COMP: variants seen among roughly 807,000 people sequenced by gnomAD.
COMP encodes the protein cartilage oligomeric matrix protein.
COMP carries 79 observed loss-of-function variants against 95.8 expected under a neutral mutation model. The observed-to-expected ratio is 0.82, with a 90% CI of 0.69 to 0.99. COMP has a LOEUF of 0.99. COMP is among the 50% of genes least tolerant of loss of function. COMP has a pLI of 0.00. For synonymous variants in COMP, 438 were observed against 433.9 expected (o/e 1.01, Z -0.12); for missense variants, 906 against 1,076.1 (o/e 0.84, Z 2.21).
chr19:18,788,783 C>A lies in COMP; in HGVS notation c.604-33G>T. On this transcript the variant is annotated intron_variant, in intron 6 of 18. Transcript: ENST00000222271. This position sits in a 1 kb window ranked among gnomAD's most constrained non-coding sequence, Gnocchi z 4.7. ...GGAGCCGCCGGAGGTCAGCGCAGGC[C>A]GCCCGCCGCTCGCCCCACCTCCCGC... 6.2e-7 allele frequency: 1 copy of A among 1,604,558 alleles called. No homozygotes were observed. Among genetic ancestry groups the A allele is most frequent in the Non-Finnish European group, 8.5e-7 (1 of 1,176,004 alleles).
intron 11 of COMP, 70 bp from the exon 12 acceptor site, chr19:18,786,361 C>T (rs2055167379): frequency 2.5e-6 from 4 of 1,608,052 alleles, no homozygotes; most frequent in African/African-American, 1.3e-5. Context: ...CCCAACCCAG[C>T]CGCACAGCCA....
intron 10 of COMP, 94 bp from the exon 11 acceptor site, chr19:18,786,744 A>C (rs901790583): frequency 1.7e-4 from 96 of 563,298 alleles, no homozygotes; most frequent in Non-Finnish European, 2.7e-4. Context: ...CCTGGAACAG[A>C]GTCCCAACTT....
At chr19:18,785,386 C>G in intron 15 of COMP, 112 bp downstream of exon 15, 1 of 1,457,694 alleles carries the variant, frequency 6.9e-7, no homozygotes, top group Non-Finnish European at 9.5e-7. Flanking sequence ...CTTCCTGAGC[C>G]CGGGCCAGCC....
intron 15 of COMP, 93 bp from the exon 16 acceptor site, chr19:18,785,185 G>T (rs2055155976): frequency 7.9e-7 from 1 of 1,258,046 alleles, no homozygotes; most frequent in African/African-American, 1.5e-5. Context: ...CCTGGGTCCC[G>T]ATCTGCCTGC....
intron 9 of COMP, 82 bp from the exon 10 acceptor site, chr19:18,787,732 C>A: frequency 6.3e-7 from 1 of 1,580,860 alleles, no homozygotes; most frequent in Non-Finnish European, 8.6e-7. Context: ...TCTCCGAGGA[C>A]GCGTCTCCTC....
rs886054305 is a variant in COMP, at chr19:18,789,955, G to A, written c.377C>T (p.Thr126Ile). The change falls in exon 4 of 19, where the codon ACC becomes ATC. Residue 126 changes from threonine to isoleucine, a missense_variant. By Grantham distance (89) the Thr-to-Ile change is moderately conservative. Transcript: ENST00000222271. The surrounding 1 kb of genome is among the most constrained non-coding windows in gnomAD (Gnocchi z 6.1). ...GGGCTAGCGCACCTCGTTGACGTCGGTGCAGTGCGAGCCGTTGCCCGTGAA... is the reference window on the plus strand; with the variant it reads ...GGGCTAGCGCACCTCGTTGACGTCGATGCAGTGCGAGCCGTTGCCCGTGAA... ...AGFTGNGSHC[T>I]DVNECNAHPC... 4.4e-6 allele frequency: 7 copies of A among 1,592,750 alleles called. No homozygotes were observed. The highest frequency in any genetic ancestry group is 5.9e-6 in the Non-Finnish European group (7 of 1,177,664).
chr19:18,788,358 G>A lies in COMP; in HGVS notation c.868-39C>T. 6.2e-7 allele frequency: 1 copy of A among 1,607,158 alleles called. No individual in the cohort carries two copies. The highest frequency in any genetic ancestry group is 1.1e-5 in the South Asian group (1 of 90,956). ...CAGAAGGTGTGAGGGGCGCGGTCAT[G>A]AAGTCCCGCCCTCCCTCCTGCCCAA... On this transcript the variant is annotated intron_variant, in intron 8 of 18. Coordinates refer to ENST00000222271, the MANE Select transcript of COMP (RefSeq NM_000095.3). This position sits in a 1 kb window ranked among gnomAD's most constrained non-coding sequence, Gnocchi z 4.7.
chr19:18,783,318 T>C, intron 17 of COMP, 125 bp from the exon 18 acceptor site: 1 of 1,325,526 alleles, frequency 7.5e-7, no homozygotes, highest in Non-Finnish European at 1.0e-6. Context: ...GTGAGGCCTC[T>C]GCCTTGGGCC....
At chr19:18,790,231 C>T (rs1026754684) in intron 3 of COMP, 117 bp from the exon 4 acceptor site, 3 of 804,836 alleles carry the variant, frequency 3.7e-6, no homozygotes, top group Non-Finnish European at 5.6e-6. Flanking sequence ...CCCCCCGCCC[C>T]GGGGCGGCCC....
chr19:18,788,427 C>T lies in COMP; in HGVS notation c.850G>A (p.Glu284Lys), dbSNP rs145895692. Residue 284 changes from glutamate to lysine, a missense_variant, in exon 8 of 19, where the codon GAG (glutamate) becomes AAG (lysine). Glu to Lys is a moderately conservative substitution (Grantham distance 56, BLOSUM62 1). Transcript: ENST00000222271. This position sits in a 1 kb window ranked among gnomAD's most constrained non-coding sequence, Gnocchi z 4.7. The part of the protein sequence containing the change: ...GFPDEKLRCP[E>K]RQCRKDNCVT... ...CCACCCACCTTACGGCACTGGCGCT[C>T]CGGGCAGCGCAGCTTCTCGTCCGGG... The T allele has an allele frequency of 1.6e-5, 26 of 1,607,070 alleles. No homozygotes were observed. The highest frequency in any genetic ancestry group is 1.7e-4 in the Middle Eastern group (1 of 6,030).
chr19:18,783,019 A>T (rs1381501185), intron 18 of COMP, 35 bp downstream of exon 18: 1 of 1,611,182 alleles, frequency 6.2e-7, no homozygotes, highest in Non-Finnish European at 8.5e-7. Context: ...CTGTGTGCAG[A>T]CTCCCCGCCC....
In COMP at chr19:18,785,959, C is replaced by A. The variant is rs752438156; in HGVS notation, c.1489+6G>T. ...GCCCCCACCGCAGGCCCCGCCCCCG[C>A]CGTACTGTCCGCGTCCTCCTGGCCG... is the stretch of plus-strand genomic sequence containing the variant. On this transcript the variant is annotated splice_donor_region_variant and intron_variant, in intron 13 of 18. Coordinates refer to ENST00000222271, the MANE Select transcript of COMP (RefSeq NM_000095.3). 2 of 1,600,060 alleles carry A rather than the reference C, an allele frequency of 1.2e-6. No individual in the cohort carries two copies. The highest frequency in any genetic ancestry group is 2.7e-5 in the African/African-American group (2 of 74,560).
Position 18,784,042 on chromosome 19 carries a change from G to A in COMP, c.2087+149C>T. 1 of 875,810 alleles carries A rather than the reference G, an allele frequency of 1.1e-6. No individual in the cohort carries two copies. Among genetic ancestry groups the A allele is most frequent in the Non-Finnish European group, 1.8e-6 (1 of 549,374 alleles). 54.3% of individuals were successfully genotyped at this position (875,810 alleles called of 1,614,324 possible). On this transcript the variant is annotated intron_variant, in intron 17 of 18. Transcript: ENST00000222271. This position sits in a 1 kb window ranked among gnomAD's most constrained non-coding sequence, Gnocchi z 4.9. ...TTACAGGTGTGAGCCACCACGCCTG[G>A]ACCAGCATAGGCTCATTCTAACTGC...
intron 1 of COMP, 47 bp downstream of exon 1, chr19:18,791,144 G>C: frequency 6.4e-7 from 1 of 1,551,224 alleles, no homozygotes; most frequent in Non-Finnish European, 8.7e-7. Flanking sequence ...GGGTCCTACA[G>C]TCCGTTGTGG....
At position 18,789,937 on chromosome 19, in the gene COMP, C is replaced by A. The variant is rs141422555; in HGVS notation, c.390+5G>T. The A allele has an allele frequency of 7.5e-6, 12 of 1,592,276 alleles. No individual in the cohort carries two copies. The highest frequency in any genetic ancestry group is 9.3e-6 in the Non-Finnish European group (11 of 1,177,626). On this transcript the variant is annotated splice_donor_5th_base_variant and intron_variant, in intron 4 of 18. Transcript: ENST00000222271. This position sits in a 1 kb window ranked among gnomAD's most constrained non-coding sequence, Gnocchi z 6.1. ...CAGGGCGGTGGAGTGTCGGGGCTAG[C>A]GCACCTCGTTGACGTCGGTGCAGTG...
chr19:18,788,269 A>G lies in COMP; in HGVS notation c.918T>C (p.Asp306=), dbSNP rs781477726. The part of the protein sequence containing the change: ...PNSGQEDVDR[D]GIGDACDPDA... ...CCGGATCGCAGGCGTCTCCGATGCC[A>G]TCGCGGTCCACATCCTCCTGCCCTG... Residue 306 remains aspartate (D), a synonymous_variant, in exon 9 of 19, where the codon GAT becomes GAC. Coordinates refer to ENST00000222271, the MANE Select transcript of COMP (RefSeq NM_000095.3). The surrounding 1 kb of genome is among the most constrained non-coding windows in gnomAD (Gnocchi z 4.7). The G allele has an allele frequency of 3.7e-6, 6 of 1,613,144 alleles. No homozygotes were observed. The Admixed American group carries it at 8.3e-5, about 22-fold the overall frequency.
Position 18,784,797 on chromosome 19 carries a change from G to T in COMP, c.1914+99C>A. On this transcript the variant is annotated intron_variant, in intron 16 of 18. Transcript: ENST00000222271. This position sits in a 1 kb window ranked among gnomAD's most constrained non-coding sequence, Gnocchi z 4.9. Reference sequence around the variant, plus strand: ...ACAGCTTTGAGGTCCATAGTATGAGGCTAGGGGGCTGGGGGGCTCTAAGGG... The same window carrying T: ...ACAGCTTTGAGGTCCATAGTATGAGTCTAGGGGGCTGGGGGGCTCTAAGGG... The T allele has an allele frequency of 1.5e-6, 2 of 1,349,792 alleles. No individual in the cohort carries two copies. Among genetic ancestry groups the T allele is most frequent in the Non-Finnish European group, 2.1e-6 (2 of 955,990 alleles). 83.6% of individuals were successfully genotyped at this position (1,349,792 alleles called of 1,614,324 possible). A position where few individuals can be genotyped will look rare whatever the true frequency, so the allele number is the denominator to read the frequency against.
chr19:18,790,469 C>G, intron 3 of COMP, 93 bp downstream of exon 3: 1 of 1,540,552 alleles, frequency 6.5e-7, no homozygotes, highest in African/African-American at 1.4e-5. Flanking sequence ...CCTTCCGTCT[C>G]TTTTCCTCCC....
Position 18,790,105 on chromosome 19 carries a change from T to A in COMP, c.227A>T (p.Gln76Leu). The part of the protein sequence containing the change: ...VMECDACGMQ[Q>L]SVRTGLPSVR... The stretch of plus-strand genomic sequence containing the variant: ...GCTGGGTAGGCCGGTGCGTACTGAC[T>A]GCTGCATCCCTGCGGGGGGGAGGGG... The change falls in exon 4 of 19, where the codon CAG (glutamine) becomes CTG (leucine). Residue 76 changes from glutamine to leucine, a missense_variant. Physicochemically the swap from Gln to Leu is moderately radical, Grantham distance 113 (BLOSUM62 -2). Coordinates refer to ENST00000222271, the MANE Select transcript of COMP (RefSeq NM_000095.3). The A allele has an allele frequency of 6.5e-7, 1 of 1,533,292 alleles. No homozygotes were observed. Among genetic ancestry groups the A allele is most frequent in the Non-Finnish European group, 8.8e-7 (1 of 1,142,762 alleles). 95.0% of individuals were successfully genotyped at this position (1,533,292 alleles called of 1,614,324 possible). A position where few individuals can be genotyped will look rare whatever the true frequency, so the allele number is the denominator to read the frequency against.
Sources: allele counts gnomAD v4.1 joint callset, GRCh38; gene constraint gnomAD v4.1.1; non-coding constraint Gnocchi (gnomAD v3.1); transcripts MANE v1.5; gene names NCBI Gene and HGNC (gene_info 2026-07-23, HGNC 2026-07-21).